Variants in ISL1 observed in about 807,000 individuals in gnomAD.
ISL1 encodes the protein ISL LIM homeobox 1.
A neutral mutation model predicts 35.3 loss-of-function variants in ISL1; 4 were observed. The ratio of observed to expected loss-of-function variants is 0.11; its 90% CI spans 0.06 to 0.26. ISL1 has a LOEUF of 0.26. ISL1 is among the 10% of genes least tolerant of loss of function. The probability of loss-of-function intolerance (pLI) is 1.00; values close to 1 mark genes in which losing one functional copy is unlikely to be tolerated. For missense variants in ISL1, 340 were observed against 472.8 expected, an observed-to-expected ratio of 0.72 and a Z score of 2.60; for synonymous variants, 186 against 172.3, an observed-to-expected ratio of 1.08 and a Z score of -0.62.
chr5:51,390,080 A>G (rs1747454199), intron 4 of ISL1, 148 bp downstream of exon 4: 1 of 954,504 alleles, frequency 1.0e-6, no homozygotes, highest in Admixed American at 2.6e-5. Flanking sequence ...TTACCCCCCT[A>G]CCCATGCCCC....
In ISL1 at chr5:51,387,608, C is replaced by G. The variant is rs1376963153; in HGVS notation, c.337C>G (p.Gln113Glu). Residue 113 changes from glutamine to glutamate, a missense_variant, in exon 3 of 6, where the codon CAG (glutamine) becomes GAG (glutamate). Around this residue, in one of 7 missense-constraint regions of ISL1, gnomAD observed 94 missense variants for 102.1 expected, o/e 0.92. Transcript: ENST00000230658. This position sits in a 1 kb window ranked among gnomAD's most constrained non-coding sequence, Gnocchi z 4.3. ...ECFRCVACSR[Q>E]LIPGDEFALR... ...TTTCCGCTGTGTGGCCTGCAGCCGC[C>G]AGCTCATCCCTGGGGACGAATTTGC... 1 of 1,614,124 alleles carries G rather than the reference C, an allele frequency of 6.2e-7. No homozygotes were observed. Among genetic ancestry groups the G allele is most frequent in the Non-Finnish European group, 8.5e-7 (1 of 1,180,054 alleles).
intron 2 of ISL1, among the ~76,000 whole-genome samples, chr5:51,384,955 G>T (rs1486278121): frequency 2.0e-5 from 3 of 152,108 alleles, no homozygotes; most frequent in Admixed American, 1.3e-4. Context: ...CATAATTCCG[G>T]GGTATTGAGG....
At chr5:51,384,842 T>A in intron 2 of ISL1, 112 bp downstream of exon 2, 1 of 992,572 alleles carries the variant, frequency 1.0e-6, no homozygotes, top group Non-Finnish European at 1.6e-6. Context: ...CTCAGTGTAG[T>A]CATACAAGCC....
intron 4 of ISL1, among the ~76,000 whole-genome samples, chr5:51,390,619 C>CT (rs1194397685): frequency 6.5e-5 from 6 of 91,742 alleles, no homozygotes; most frequent in Non-Finnish European, 1.4e-4. Context: ...TCTTTTCTTC[C>CT]TTTTTTTCTT....
At position 51,390,642 on chromosome 5, in the gene ISL1, C is replaced by CTTTTTTTTTTTTTTTTTT. The variant is rs57707586; in HGVS notation, c.766-611_766-594dup. 1.6e-3 allele frequency among the ~76,000 whole-genome samples: 64 copies of CTTTTTTTTTTTTTTTTTT among 40,184 alleles called. 5 individuals carry two copies. The highest frequency in any genetic ancestry group is 4.9e-3 in the East Asian group (6 of 1,226). 26.4% of individuals were successfully genotyped at this position (40,184 alleles called of 152,430 possible). A position where few individuals can be genotyped will look rare whatever the true frequency, so the allele number is the denominator to read the frequency against. ...TCCTTTTTTTCTTTTCTTTCTTTTT[C>CTTTTTTTTTTTTTTTTTT]TTTTTTTTTTTTTTTTTTTTTTTTT... On this transcript the variant is annotated intron_variant, in intron 4 of 5. Coordinates refer to ENST00000230658, the MANE Select transcript of ISL1 (RefSeq NM_002202.3).
chr5:51,383,620 C>T lies in ISL1; in HGVS notation c.-52C>T. 6.7e-7 allele frequency: 1 copy of T among 1,481,872 alleles called. No individual in the cohort carries two copies. Among genetic ancestry groups the T allele is most frequent in the South Asian group, 1.1e-5 (1 of 88,438 alleles). 91.8% of individuals were successfully genotyped at this position (1,481,872 alleles called of 1,614,324 possible). ...TCCAGCATCCTCTCTGTGGGCTGTT[C>T]ACCAACTGTACAACCACCATTTCAC... On this transcript the variant is annotated 5_prime_UTR_variant, in exon 1 of 6. Transcript: ENST00000230658.
In ISL1 at chr5:51,387,449, C is replaced by G. The variant is rs766147110; in HGVS notation, c.219-41C>G. 12 of 1,610,384 alleles carry G rather than the reference C, an allele frequency of 7.5e-6. No homozygotes were observed. In the Admixed American group the frequency reaches 1.2e-4, roughly 16 times the overall value. ...TGACCCCCTCTTCCTGTACTTCTCT[C>G]CCCGCTCTGGGCCGCCTCCGCTCCC... is the stretch of plus-strand genomic sequence containing the variant. On this transcript the variant is annotated intron_variant, in intron 2 of 5. Transcript: ENST00000230658. This position sits in a 1 kb window ranked among gnomAD's most constrained non-coding sequence, Gnocchi z 4.3.
chr5:51,394,663 G>C lies in ISL1; in HGVS notation c.*1053G>C. ...CTTAAATATTATGTGAAATCAAAGC[G>C]CCATATGTAGAATTATATCTTCAGG... On this transcript the variant is annotated 3_prime_UTR_variant, in exon 6 of 6. Coordinates refer to ENST00000230658, the MANE Select transcript of ISL1 (RefSeq NM_002202.3). 1 of 152,418 alleles carries C rather than the reference G, an allele frequency of 6.6e-6. No individual in the cohort carries two copies. Among genetic ancestry groups the C allele is most frequent in the South Asian group, 2.1e-4 (1 of 4,818 alleles). 9.4% of individuals were successfully genotyped at this position (152,418 alleles called of 1,614,324 possible).
At chr5:51,392,300 A>G (rs888250195) in intron 5 of ISL1, among the ~76,000 whole-genome samples, 1 of 152,234 alleles carries the variant, frequency 6.6e-6, no homozygotes, top group African/African-American at 2.4e-5. Flanking sequence ...CTATATTTAT[A>G]TAGATGATTT....
intron 3 of ISL1, among the ~76,000 whole-genome samples, chr5:51,388,757 T>C (rs900125280): frequency 2.0e-5 from 3 of 152,184 alleles, no homozygotes; most frequent in Non-Finnish European, 4.4e-5. Context: ...TCAGGGGGAT[T>C]TGTGACTAGT....
intron 1 of ISL1, 35 bp from the exon 2 acceptor site, chr5:51,384,506 A>G (rs754103367): frequency 1.9e-5 from 31 of 1,595,554 alleles, no homozygotes; most frequent in Non-Finnish European, 2.6e-5. Flanking sequence ...TAGGAAGTAA[A>G]CGGTTAGTCA....
In ISL1 at chr5:51,389,943, C is replaced by G. The variant is rs1344106912; in HGVS notation, c.765+11C>G. 1.2e-6 allele frequency: 2 copies of G among 1,612,240 alleles called. No homozygotes were observed. Among genetic ancestry groups the G allele is most frequent in the Non-Finnish European group, 1.7e-6 (2 of 1,178,622 alleles). On this transcript the variant is annotated intron_variant, in intron 4 of 5. Coordinates refer to ENST00000230658, the MANE Select transcript of ISL1 (RefSeq NM_002202.3). This position sits in a 1 kb window ranked among gnomAD's most constrained non-coding sequence, Gnocchi z 5.0. ...CCCAATGACAAAACTGTGAGTGGCT[C>G]TGGGGCCGGGCAGGGAATGCGAGGG...
chr5:51,393,014 G>GCCTGCTA (rs1747553954), intron 5 of ISL1, among the ~76,000 whole-genome samples: 1 of 152,196 alleles, frequency 6.6e-6, no homozygotes, highest in South Asian at 2.1e-4. Flanking sequence ...TGAGCCTGCT[G>GCCTGCTA]AGGAGTTAAT....
chr5:51,390,638 T>TTTTC (rs1747482540), intron 4 of ISL1, among the ~76,000 whole-genome samples: 10 of 48,294 alleles, frequency 2.1e-4, no homozygotes, highest in Non-Finnish European at 2.8e-4. Flanking sequence ...TTTTCTTTCT[T>TTTTC]TTTCTTTTTT....
Position 51,389,523 on chromosome 5 carries a change from G to C in ISL1, c.479-123G>C, listed in dbSNP as rs1030893939. On this transcript the variant is annotated intron_variant, in intron 3 of 5. Coordinates refer to ENST00000230658, the MANE Select transcript of ISL1 (RefSeq NM_002202.3). The surrounding 1 kb of genome is among the most constrained non-coding windows in gnomAD (Gnocchi z 5.0). ...CCCTAGCCATTGTCCTGAGTATCTC[G>C]GGCGGGCGAGCAAGTAAGCGGGCGG... 3 of 864,914 alleles carry C rather than the reference G, an allele frequency of 3.5e-6. No homozygotes were observed. The highest frequency in any genetic ancestry group is 1.8e-5 in the African/African-American group (1 of 54,574). 53.6% of individuals were successfully genotyped at this position (864,914 alleles called of 1,614,324 possible).
chr5:51,385,930 C>G (rs1232841651), intron 2 of ISL1, among the ~76,000 whole-genome samples: 1 of 151,658 alleles, frequency 6.6e-6, no homozygotes, highest in East Asian at 1.9e-4. Context: ...TTTTTTTCTT[C>G]TTTTTTAAAA....
chr5:51,384,473 C>T (rs1274162994), intron 1 of ISL1, 68 bp from the exon 2 acceptor site: 1 of 1,408,862 alleles, frequency 7.1e-7, no homozygotes, highest in Admixed American at 1.7e-5. Context: ...AAGAGAACGA[C>T]ACTAAAAGTG....
At chr5:51,390,642 C>A (rs34584880) in intron 4 of ISL1, among the ~76,000 whole-genome samples, 1 of 40,248 alleles carries the variant, frequency 2.5e-5, no homozygotes, top group South Asian at 1.1e-3. Context: ...CTTTCTTTTT[C>A]TTTTTTTTTT....
At position 51,393,617 on chromosome 5, in the gene ISL1, T is replaced by C; in HGVS notation, c.*7T>C. On this transcript the variant is annotated 3_prime_UTR_variant, in exon 6 of 6. Transcript: ENST00000230658. Reference sequence around the variant, plus strand: ...CAGTCCTATTGAGGCATGAGGAACATTCATTCTGTATTTTTTTTCCCTGTT... The same window carrying C: ...CAGTCCTATTGAGGCATGAGGAACACTCATTCTGTATTTTTTTTCCCTGTT... 1 of 1,526,218 alleles carries C rather than the reference T, an allele frequency of 6.6e-7. No individual in the cohort carries two copies. Among genetic ancestry groups the C allele is most frequent in the Non-Finnish European group, 9.1e-7 (1 of 1,099,760 alleles). The allele number at this position is 1,526,218 out of a possible 1,614,324, so 94.5% of individuals were successfully genotyped here.
Sources: gnomAD v4.1 joint callset for allele counts (sites outside exome capture counted in the v4.1 genomes callset) on GRCh38, gnomAD v4.1.1 for gene constraint, gnomAD v4.1.1 regional missense constraint, Gnocchi (gnomAD v3.1) non-coding constraint, MANE v1.5 for transcripts, NCBI Gene and HGNC (gene_info 2026-07-23, HGNC 2026-07-21) for gene names.